The following DNAAF4 variants were observed in gnomAD, a reference collection of about 807,000 sequenced individuals.
The protein encoded by DNAAF4 is dynein assembly factor 4, axonemal.
DNAAF4 carries 43 observed loss-of-function variants against 51.8 expected under a neutral mutation model. The ratio of observed to expected loss-of-function variants is 0.83; its 90% CI spans 0.65 to 1.07. The LOEUF (loss-of-function observed/expected upper bound fraction) is 1.07. Ranked by LOEUF, DNAAF4 falls within the 50% of genes least tolerant of loss-of-function variation. The pLI is 0.00. For missense variants in DNAAF4, 581 were observed against 493.0 expected, an observed-to-expected ratio of 1.18 and a Z score of -1.69; for synonymous variants, 194 against 165.6, an observed-to-expected ratio of 1.17 and a Z score of -1.32.
At chr15:55,469,471 A>ATT (rs1567021420) in intron 4 of DNAAF4, among the ~76,000 whole-genome samples, 19 of 70,422 alleles carry the variant, frequency 2.7e-4, no homozygotes, top group Admixed American at 3.7e-4. Context: ...ATGCTTACCA[A>ATT]TTCTTTTTTT....
intron 4 of DNAAF4, among the ~76,000 whole-genome samples, chr15:55,468,731 T>C (rs1310310009): frequency 2.6e-5 from 4 of 152,190 alleles, no homozygotes; most frequent in African/African-American, 9.6e-5. Context: ...GTTTTTAAAA[T>C]GCATAAGACT....
chr15:55,471,805 G>A (rs536337945), intron 4 of DNAAF4, among the ~76,000 whole-genome samples: 7 of 151,446 alleles, frequency 4.6e-5, no homozygotes, highest in South Asian at 2.1e-4. Context: ...GAGCCACCAC[G>A]CCCAGCCAAC....
chr15:55,463,172 T>TCTCACACACA (rs369642249), intron 5 of DNAAF4, among the ~76,000 whole-genome samples: 38 of 140,382 alleles, frequency 2.7e-4, no homozygotes, highest in African/African-American at 1.0e-3. Context: ...AGACTCTGTC[T>TCTCACACACA]CACACACACA....
chr15:55,419,740 T>G (rs12592085), intron 7 of DNAAF4, among the ~76,000 whole-genome samples: 9 of 152,282 alleles, frequency 5.9e-5, no homozygotes, highest in African/African-American at 2.2e-4. Flanking sequence ...CTCACACCTG[T>G]AATCCCAGCA....
At chr15:55,434,182 C>T (rs2057571443) in intron 8 of DNAAF4, among the ~76,000 whole-genome samples, 1 of 148,178 alleles carries the variant, frequency 6.7e-6, no homozygotes, top group African/African-American at 2.5e-5. Flanking sequence ...ATCTCCACAG[C>T]TTTATTTTTA....
chr15:55,465,393 T>TACACAC (rs61176405), intron 5 of DNAAF4, among the ~76,000 whole-genome samples: 2,723 of 149,742 alleles, frequency 0.018, 59 homozygotes, highest in African/African-American at 0.052. Flanking sequence ...GGTGTATATA[T>TACACAC]ACACACACAC....
At chr15:55,473,225 G>A (rs1328452511) in intron 4 of DNAAF4, among the ~76,000 whole-genome samples, 3 of 106,216 alleles carry the variant, frequency 2.8e-5, no homozygotes, top group Admixed American at 1.1e-4. Flanking sequence ...ATATATATGT[G>A]TGTGTGTATA....
rs150724304 is a variant in DNAAF4, at chr15:55,457,208, G to A, written c.638-6841C>T. On this transcript the variant is annotated intron_variant, in intron 5 of 9. Transcript: ENST00000321149. ...AACTGCCTGGATATAAACGCAGTGCGGTTGGGGTGGCATGGCCAGAGTGAG... is the reference window on the plus strand; with the variant it reads ...AACTGCCTGGATATAAACGCAGTGCAGTTGGGGTGGCATGGCCAGAGTGAG... 1.9e-3 allele frequency among the ~76,000 whole-genome samples: 292 copies of A among 152,270 alleles called. 1 individual carries two copies. The highest frequency in any genetic ancestry group is 6.8e-3 in the Middle Eastern group (2 of 294).
At chr15:55,457,998 A>G (rs2058044363) in intron 5 of DNAAF4, among the ~76,000 whole-genome samples, 1 of 152,184 alleles carries the variant, frequency 6.6e-6, no homozygotes, top group Non-Finnish European at 1.5e-5. Context: ...GGAGGGCACC[A>G]CATCAAGGGA....
At chr15:55,459,123 A>G (rs2058059604) in intron 5 of DNAAF4, among the ~76,000 whole-genome samples, 2 of 151,906 alleles carry the variant, frequency 1.3e-5, no homozygotes, top group African/African-American at 4.8e-5. Flanking sequence ...CAGGTAATCT[A>G]TAAAGGAGAA....
chr15:55,449,130 C>T (rs1210396473), intron 6 of DNAAF4, among the ~76,000 whole-genome samples: 1 of 150,292 alleles, frequency 6.7e-6, no homozygotes, highest in African/African-American at 2.4e-5. Context: ...GCTGGGATTA[C>T]AGGTGCCTGC....
At chr15:55,497,684 G>C (rs910743482) in intron 3 of DNAAF4, 28 bp downstream of exon 3, 2 of 1,588,278 alleles carry the variant, frequency 1.3e-6, no homozygotes, top group African/African-American at 2.7e-5. Context: ...GGTACAACCA[G>C]ATGAACATCT....
At chr15:55,489,879 T>G (rs940288168) in intron 4 of DNAAF4, among the ~76,000 whole-genome samples, 1 of 150,850 alleles carries the variant, frequency 6.6e-6, no homozygotes, top group Non-Finnish European at 1.5e-5. Flanking sequence ...TAAGAAGTTT[T>G]TTTTTTTTTT....
intron 1 of DNAAF4, among the ~76,000 whole-genome samples, chr15:55,505,708 T>C (rs947887742): frequency 4.6e-5 from 7 of 151,092 alleles, no homozygotes; most frequent in African/African-American, 1.7e-4. Context: ...TAAGTGGGAG[T>C]TGAAAAATGA....
intron 1 of DNAAF4, among the ~76,000 whole-genome samples, chr15:55,501,376 C>CTT (rs1192104530): frequency 1.7e-3 from 181 of 104,514 alleles, no homozygotes; most frequent in East Asian, 0.01. Flanking sequence ...TTCTTTCTTT[C>CTT]TTTTTTTTTT....
chr15:55,458,466 A>G (rs1359080314), intron 5 of DNAAF4, among the ~76,000 whole-genome samples: 1 of 152,124 alleles, frequency 6.6e-6, no homozygotes, highest in Non-Finnish European at 1.5e-5. Context: ...AAGGCTTTCA[A>G]ACGAACCCAA....
At chr15:55,489,118 A>C (rs1378414818) in intron 4 of DNAAF4, among the ~76,000 whole-genome samples, 2 of 151,984 alleles carry the variant, frequency 1.3e-5, no homozygotes, top group Non-Finnish European at 2.9e-5. Flanking sequence ...CAAACCTTCA[A>C]GGTACAACAT....
chr15:55,483,831 AGCTTTTTTTTTTTTTTTTTTT>A (rs2058445640), intron 4 of DNAAF4, among the ~76,000 whole-genome samples: 2 of 72,214 alleles, frequency 2.8e-5, no homozygotes, highest in Non-Finnish European at 6.1e-5. Context: ...CAGCCAATAA[AGCTTTTTTTTTTTTTTTTTTT>A]TTTTTTTTTT....
At chr15:55,501,207 G>C (rs1283036468) in intron 1 of DNAAF4, among the ~76,000 whole-genome samples, 2 of 149,864 alleles carry the variant, frequency 1.3e-5, no homozygotes, top group Non-Finnish European at 3.0e-5. Context: ...GGCACTATGG[G>C]CATGCACCAC....
Sources: allele counts gnomAD v4.1 joint callset (sites outside exome capture counted in the v4.1 genomes callset), GRCh38; gene constraint gnomAD v4.1.1; transcripts MANE v1.5; gene names NCBI Gene and HGNC (gene_info 2026-07-23, HGNC 2026-07-21).